MECOM: variants seen among roughly 807,000 people sequenced by gnomAD.
MECOM encodes histone-lysine N-methyltransferase MECOM.
In MECOM, 13 loss-of-function variants were observed where a neutral mutation model predicts 116.3. The ratio of observed to expected loss-of-function variants is 0.11; its 90% CI spans 0.07 to 0.18. The LOEUF (loss-of-function observed/expected upper bound fraction) is 0.18. Among genes scored for constraint, MECOM ranks in the 10% least tolerant of loss-of-function variants. The pLI, the probability that MECOM is intolerant of heterozygous loss-of-function variation, is 1.00. For synonymous variants in MECOM, 528 were observed against 535.2 expected (o/e 0.99, Z 0.19); for missense variants, 1,299 against 1,509.0 (o/e 0.86, Z 2.31).
chr3:169,378,448 A>AGCGAGC (rs1731550629), intron 2 of MECOM, among the ~76,000 whole-genome samples: 2 of 66,240 alleles, frequency 3.0e-5, no homozygotes, highest in South Asian at 4.1e-4. Flanking sequence ...AAAGAAAGAA[A>AGCGAGC]GAAGGAAAGC....
At chr3:169,119,110 C>T (rs1730143238) in intron 7 of MECOM, among the ~76,000 whole-genome samples, 1 of 152,204 alleles carries the variant, frequency 6.6e-6, no homozygotes, top group Non-Finnish European at 1.5e-5. Context: ...TCTGTAAAGG[C>T]AGTGAGTAAT....
chr3:169,578,041 A>C (rs551814404), intron 1 of MECOM, among the ~76,000 whole-genome samples: 4 of 152,330 alleles, frequency 2.6e-5, no homozygotes, highest in Non-Finnish European at 5.9e-5. Context: ...TAAGAAAAAA[A>C]AAAGACGTTG....
intron 1 of MECOM, among the ~76,000 whole-genome samples, chr3:169,469,231 G>A (rs372857219): frequency 6.6e-6 from 1 of 152,138 alleles, no homozygotes; most frequent in East Asian, 1.9e-4. Context: ...AGGTAAAGGT[G>A]GTGAGAGTGC....
chr3:169,545,507 T>A (rs1560415671), intron 1 of MECOM, among the ~76,000 whole-genome samples: 1 of 152,212 alleles, frequency 6.6e-6, no homozygotes, highest in Non-Finnish European at 1.5e-5. Flanking sequence ...AAAACCAAGA[T>A]AACAACATCA....
chr3:169,334,058 A>T (rs922591923), intron 2 of MECOM, among the ~76,000 whole-genome samples: 2 of 152,102 alleles, frequency 1.3e-5, no homozygotes, highest in African/African-American at 4.8e-5. Context: ...AAAAATAAAT[A>T]AAAAACTTTC....
At chr3:169,097,205 T>G (rs1345591860) in intron 12 of MECOM, among the ~76,000 whole-genome samples, 1 of 152,176 alleles carries the variant, frequency 6.6e-6, no homozygotes, top group Non-Finnish European at 1.5e-5. Flanking sequence ...GTTTCTGCCA[T>G]GCTTCTAACT....
chr3:169,433,687 AAG>A (rs762474107), intron 1 of MECOM, among the ~76,000 whole-genome samples: 14 of 108,948 alleles, frequency 1.3e-4, no homozygotes, highest in South Asian at 6.3e-4. Context: ...GAAAGAAAGA[AAG>A]AGAAAGAAAG....
At chr3:169,404,156 T>C (rs1252286907) in intron 1 of MECOM, among the ~76,000 whole-genome samples, 2 of 151,112 alleles carry the variant, frequency 1.3e-5, no homozygotes, top group African/African-American at 4.8e-5. Flanking sequence ...AATTCAAGAG[T>C]TTTAAAATTT....
At chr3:169,113,272 G>T (rs1252000555) in intron 8 of MECOM, among the ~76,000 whole-genome samples, 1 of 151,860 alleles carries the variant, frequency 6.6e-6, no homozygotes, top group Non-Finnish European at 1.5e-5. Context: ...TACCAAGAAG[G>T]TGTTCTCCCA....
intron 9 of MECOM, among the ~76,000 whole-genome samples, chr3:169,110,924 A>G (rs1012515371): frequency 1.3e-5 from 2 of 152,186 alleles, no homozygotes; most frequent in African/African-American, 4.8e-5. Context: ...CACTGGACAC[A>G]TGCCTCATCT....
At chr3:169,469,052 A>G (rs1748763567) in intron 1 of MECOM, among the ~76,000 whole-genome samples, 2 of 152,318 alleles carry the variant, frequency 1.3e-5, no homozygotes, top group South Asian at 4.1e-4. Flanking sequence ...TAATATTCTA[A>G]TAGTAAAGAT....
chr3:169,451,728 C>A (rs1357946430), intron 1 of MECOM, among the ~76,000 whole-genome samples: 2 of 151,930 alleles, frequency 1.3e-5, no homozygotes, highest in Non-Finnish European at 2.9e-5. Flanking sequence ...ATTTTTATTT[C>A]TATGTAAAAT....
At chr3:169,420,773 A>G (rs773202157) in intron 1 of MECOM, among the ~76,000 whole-genome samples, 1 of 152,186 alleles carries the variant, frequency 6.6e-6, no homozygotes, top group Non-Finnish European at 1.5e-5. Context: ...TCCTAAGAAT[A>G]TGATGTTTTA....
intron 2 of MECOM, among the ~76,000 whole-genome samples, chr3:169,340,037 G>A (rs1011993920): frequency 3.3e-5 from 5 of 152,182 alleles, no homozygotes; most frequent in African/African-American, 1.2e-4. Context: ...GCTGGAACAC[G>A]TAAACACTGC....
intron 5 of MECOM, among the ~76,000 whole-genome samples, chr3:169,124,830 A>C (rs372664924): frequency 1.6e-4 from 25 of 152,186 alleles, no homozygotes; most frequent in Middle Eastern, 3.4e-3. Context: ...AAAAGTACCA[A>C]CCATGAAAGC....
chr3:169,273,403 A>C (rs1759186275), intron 2 of MECOM, among the ~76,000 whole-genome samples: 1 of 152,238 alleles, frequency 6.6e-6, no homozygotes. Context: ...CATCACAAAG[A>C]GTAAAAACCA....
intron 1 of MECOM, among the ~76,000 whole-genome samples, chr3:169,465,241 T>A (rs1748094634): frequency 6.6e-6 from 1 of 152,220 alleles, no homozygotes. Context: ...CTCAGCTTTG[T>A]CACTAATTAG....
Position 169,596,877 on chromosome 3 carries a change from A to C in MECOM, c.37+66459T>G, listed in dbSNP as rs1233058648. On this transcript the variant is annotated intron_variant, in intron 1 of 16. Coordinates refer to ENST00000651503, the MANE Select transcript of MECOM (RefSeq NM_004991.4). ...CTTCTTTTGTGACTATATTTTATGAATATAAATTGGACTAGTCAAACACAT... is the reference window on the plus strand; with the variant it reads ...CTTCTTTTGTGACTATATTTTATGACTATAAATTGGACTAGTCAAACACAT... Among the ~76,000 whole-genome samples, 4 of 152,294 alleles carry C rather than the reference A, an allele frequency of 2.6e-5. No homozygotes were observed. In the East Asian group the frequency reaches 7.7e-4, roughly 29 times the overall value.
At chr3:169,209,166 A>G (rs1303209677) in intron 2 of MECOM, among the ~76,000 whole-genome samples, 1 of 152,086 alleles carries the variant, frequency 6.6e-6, no homozygotes, top group Non-Finnish European at 1.5e-5. Context: ...AACTGGACCC[A>G]TTCCTTTCAC....
Sources: gnomAD v4.1 joint callset for allele counts (sites outside exome capture counted in the v4.1 genomes callset) on GRCh38, gnomAD v4.1.1 for gene constraint, MANE v1.5 for transcripts, NCBI Gene and HGNC (gene_info 2026-07-23, HGNC 2026-07-21) for gene names.